MEI4: variants seen among roughly 807,000 people sequenced by gnomAD.
MEI4 encodes meiosis-specific protein MEI4.
Under a neutral mutation model 31.4 loss-of-function variants are expected in MEI4, and 27 were observed. The ratio of observed to expected loss-of-function variants is 0.86; its 90% CI spans 0.63 to 1.19. The LOEUF is 1.19. MEI4 is among the 50% of genes most tolerant of loss of function. The pLI is 0.00. For missense variants in MEI4, 329 were observed against 398.9 expected, an observed-to-expected ratio of 0.82 and a Z score of 1.49; for synonymous variants, 122 against 145.4, an observed-to-expected ratio of 0.84 and a Z score of 1.16.
At chr6:77,683,073 A>C (rs1768987430) in intron 1 of MEI4, among the ~76,000 whole-genome samples, 1 of 152,224 alleles carries the variant, frequency 6.6e-6, no homozygotes, top group East Asian at 1.9e-4. Flanking sequence ...GTCTACACCT[A>C]AGCTGTTGTT....
intron 4 of MEI4, among the ~76,000 whole-genome samples, chr6:77,866,693 C>A (rs1173112978): frequency 6.6e-6 from 1 of 152,144 alleles, no homozygotes; most frequent in Non-Finnish European, 1.5e-5. Flanking sequence ...ATCAAGCTAC[C>A]AATGACTTTC....
intron 4 of MEI4, among the ~76,000 whole-genome samples, chr6:77,874,919 C>T (rs950876863): frequency 1.3e-5 from 2 of 152,148 alleles, no homozygotes; most frequent in African/African-American, 2.4e-5. Context: ...TATTGATTTG[C>T]ATATATTGAA....
At chr6:77,727,674 A>G (rs2127665788) in intron 2 of MEI4, among the ~76,000 whole-genome samples, 1 of 152,332 alleles carries the variant, frequency 6.6e-6, no homozygotes, top group African/African-American at 2.4e-5. Context: ...GGTCTTTCAC[A>G]GTGAAGTTTT....
chr6:77,714,243 A>AC (rs1364078724), intron 2 of MEI4, among the ~76,000 whole-genome samples: 1 of 152,090 alleles, frequency 6.6e-6, no homozygotes, highest in African/African-American at 2.4e-5. Context: ...AATTTAAAAA[A>AC]AAAACAAAAC....
intron 1 of MEI4, among the ~76,000 whole-genome samples, chr6:77,681,958 A>G (rs1768965565): frequency 2.6e-5 from 4 of 152,338 alleles, no homozygotes; most frequent in African/African-American, 4.8e-5. Flanking sequence ...TATGACATTA[A>G]TTTATAGAAC....
intron 2 of MEI4, among the ~76,000 whole-genome samples, chr6:77,745,979 A>G (rs964199645): frequency 6.6e-6 from 1 of 152,206 alleles, no homozygotes; most frequent in African/African-American, 2.4e-5. Flanking sequence ...CAGTGTGTAG[A>G]GGGAAATTTA....
intron 3 of MEI4, among the ~76,000 whole-genome samples, chr6:77,787,696 T>C (rs1244042445): frequency 1.3e-5 from 2 of 152,156 alleles, no homozygotes; most frequent in Non-Finnish European, 2.9e-5. Flanking sequence ...AATAAGGCTC[T>C]AATAACCAAC....
At chr6:77,809,003 G>A (rs1356468234) in intron 3 of MEI4, among the ~76,000 whole-genome samples, 1 of 152,208 alleles carries the variant, frequency 6.6e-6, no homozygotes, top group African/African-American at 2.4e-5. Flanking sequence ...GCTGGCAGCT[G>A]AAGGCTGCCT....
At chr6:77,828,081 A>G (rs1256015363) in intron 3 of MEI4, among the ~76,000 whole-genome samples, 1 of 152,138 alleles carries the variant, frequency 6.6e-6, no homozygotes, top group Non-Finnish European at 1.5e-5. Flanking sequence ...ATAACATTTC[A>G]CTTATTGAGC....
chr6:77,817,040 T>C (rs1368979641), intron 3 of MEI4, among the ~76,000 whole-genome samples: 1 of 151,846 alleles, frequency 6.6e-6, no homozygotes, highest in East Asian at 1.9e-4. Flanking sequence ...TGTGTGTGTG[T>C]GTTGTTTTTG....
intron 2 of MEI4, among the ~76,000 whole-genome samples, chr6:77,735,980 A>T (rs1048044088): frequency 1.2e-4 from 19 of 152,034 alleles, no homozygotes; most frequent in African/African-American, 4.6e-4. Context: ...TTGAGGAGGC[A>T]GTCTGCCCGT....
chr6:77,711,607 T>G (rs9343643), intron 2 of MEI4, among the ~76,000 whole-genome samples: 13 of 152,062 alleles, frequency 8.5e-5, no homozygotes, highest in African/African-American at 3.1e-4. Context: ...TCTGTGCATA[T>G]TGGGAAGTGC....
intron 2 of MEI4, among the ~76,000 whole-genome samples, chr6:77,742,892 G>A (rs1451665779): frequency 6.6e-6 from 1 of 152,022 alleles, no homozygotes; most frequent in Admixed American, 6.6e-5. Context: ...TTTCCCCATT[G>A]CTTGTTTTTC....
At chr6:77,761,745 C>A in intron 3 of MEI4, 80 bp downstream of exon 3, 1 of 1,013,528 alleles carries the variant, frequency 9.9e-7, no homozygotes, top group Non-Finnish European at 1.3e-6. Flanking sequence ...CTGTTGTTGT[C>A]CCTTAGCCTT....
At chr6:77,821,007 C>A (rs943900810) in intron 3 of MEI4, among the ~76,000 whole-genome samples, 1 of 151,788 alleles carries the variant, frequency 6.6e-6, no homozygotes, top group Non-Finnish European at 1.5e-5. Context: ...GCATGCACAT[C>A]ATTTCTCTTT....
At chr6:77,788,890 T>C (rs868208490) in intron 3 of MEI4, among the ~76,000 whole-genome samples, 2 of 152,112 alleles carry the variant, frequency 1.3e-5, no homozygotes, top group South Asian at 2.1e-4. Flanking sequence ...CTTCACAGAA[T>C]TGGAAAAAAC....
intron 2 of MEI4, among the ~76,000 whole-genome samples, chr6:77,731,589 T>A (rs1180753852): frequency 4.0e-5 from 6 of 151,592 alleles, no homozygotes; most frequent in Non-Finnish European, 8.8e-5. Flanking sequence ...GCCTGTTCAC[T>A]CTGATGGTAG....
chr6:77,844,402 T>C (rs1770431493), intron 4 of MEI4, among the ~76,000 whole-genome samples: 1 of 152,160 alleles, frequency 6.6e-6, no homozygotes, highest in Non-Finnish European at 1.5e-5. Flanking sequence ...TTTCCAAGCC[T>C]TAAGAACATA....
intron 2 of MEI4, among the ~76,000 whole-genome samples, chr6:77,703,768 G>C (rs1350111985): frequency 6.6e-6 from 1 of 152,122 alleles, no homozygotes; most frequent in African/African-American, 2.4e-5. Context: ...AAAATGTATA[G>C]TGTAATATCA....
Sources: allele counts gnomAD v4.1 joint callset (sites outside exome capture counted in the v4.1 genomes callset), GRCh38; gene constraint gnomAD v4.1.1; transcripts MANE v1.5; gene names NCBI Gene and HGNC (gene_info 2026-07-23, HGNC 2026-07-21).